The following INPP4B variants were observed in gnomAD, a reference collection of about 807,000 sequenced individuals.
INPP4B encodes the protein inositol polyphosphate 4-phosphatase type II.
A neutral mutation model predicts 122.5 loss-of-function variants in INPP4B; 55 were observed. That is an observed-to-expected ratio of 0.45 (90% confidence interval 0.36 to 0.56). INPP4B has a LOEUF of 0.56. Among genes scored for constraint, INPP4B ranks in the 20% least tolerant of loss-of-function variants. INPP4B has a pLI of 0.00. For missense variants in INPP4B, 1,000 were observed against 1,097.7 expected (o/e 0.91, Z 1.26); for synonymous variants, 403 against 388.7 (o/e 1.04, Z -0.43).
intron 2 of INPP4B, among the ~76,000 whole-genome samples, chr4:142,467,591 T>A (rs373831367): frequency 6.6e-6 from 1 of 152,266 alleles, no homozygotes; most frequent in East Asian, 1.9e-4. Context: ...TGGAAGGAAC[T>A]AATTTCTAGA....
intron 1 of INPP4B, among the ~76,000 whole-genome samples, chr4:142,798,387 G>T (rs1486814668): frequency 6.6e-6 from 1 of 151,786 alleles, no homozygotes; most frequent in Non-Finnish European, 1.5e-5. Flanking sequence ...CATTTACTTA[G>T]AGTTAAAGCA....
chr4:142,294,481 C>T (rs17015814), intron 9 of INPP4B, among the ~76,000 whole-genome samples: 3 of 151,782 alleles, frequency 2.0e-5, no homozygotes, highest in African/African-American at 4.8e-5. Flanking sequence ...TGGAGAATAC[C>T]AGGTGGATAA....
At chr4:142,081,829 G>C (rs1774039911) in intron 25 of INPP4B, among the ~76,000 whole-genome samples, 1 of 151,868 alleles carries the variant, frequency 6.6e-6, no homozygotes, top group Non-Finnish European at 1.5e-5. Flanking sequence ...CCTAAAATGA[G>C]TAGGGGAAAT....
At chr4:142,837,777 T>G (rs1265517098) in intron 1 of INPP4B, among the ~76,000 whole-genome samples, 1 of 152,106 alleles carries the variant, frequency 6.6e-6, no homozygotes, top group African/African-American at 2.4e-5. Flanking sequence ...ATAAGGCACT[T>G]TTAAAAGGTT....
intron 23 of INPP4B, among the ~76,000 whole-genome samples, chr4:142,103,277 C>T (rs931746658): frequency 6.6e-6 from 1 of 151,942 alleles, no homozygotes; most frequent in Non-Finnish European, 1.5e-5. Flanking sequence ...TTATGGGATC[C>T]TTAGTCTTCC....
intron 5 of INPP4B, among the ~76,000 whole-genome samples, chr4:142,411,186 A>G (rs933995652): frequency 7.9e-5 from 12 of 152,210 alleles, no homozygotes; most frequent in African/African-American, 1.4e-4. Context: ...CTCTCCCAGC[A>G]TATGTGCTAC....
At chr4:142,196,878 A>G (rs918390322) in intron 14 of INPP4B, among the ~76,000 whole-genome samples, 2 of 152,036 alleles carry the variant, frequency 1.3e-5, no homozygotes, top group Non-Finnish European at 2.9e-5. Context: ...TAATCCCAGC[A>G]CTTTGGGAGG....
At chr4:142,253,165 A>G (rs1000461032) in intron 11 of INPP4B, among the ~76,000 whole-genome samples, 1 of 152,208 alleles carries the variant, frequency 6.6e-6, no homozygotes, top group Non-Finnish European at 1.5e-5. Flanking sequence ...TGTAAAGGGC[A>G]TTTACCATGA....
At chr4:142,761,102 A>T (rs1403866748) in intron 1 of INPP4B, among the ~76,000 whole-genome samples, 1 of 152,096 alleles carries the variant, frequency 6.6e-6, no homozygotes, top group African/African-American at 2.4e-5. Flanking sequence ...AGCATCCATT[A>T]TCTTCCCAAG....
chr4:142,128,134 C>T (rs889187522), intron 18 of INPP4B, among the ~76,000 whole-genome samples: 7 of 151,970 alleles, frequency 4.6e-5, no homozygotes, highest in Admixed American at 3.9e-4. Context: ...CTATACCTTA[C>T]AGTTTACATG....
rs559720981 is a variant in INPP4B, at chr4:142,513,306, A to G, written c.-190-50580T>C. On this transcript the variant is annotated intron_variant, in intron 2 of 25. Coordinates refer to ENST00000262992, the MANE Select transcript of INPP4B (RefSeq NM_001101669.3). ...CACAGTTCTGGGGTGTGTTAGGGGGAAAGCTGGGAAGTACATAATCAAAGT... is the reference window on the plus strand; with the variant it reads ...CACAGTTCTGGGGTGTGTTAGGGGGGAAGCTGGGAAGTACATAATCAAAGT... Among the ~76,000 whole-genome samples, 575 of 152,262 alleles carry G rather than the reference A, an allele frequency of 3.8e-3. 1 individual carries two copies. Among genetic ancestry groups the G allele is most frequent in the Non-Finnish European group, 5.5e-3 (377 of 68,030 alleles).
chr4:142,820,423 C>T (rs547175392), intron 1 of INPP4B, among the ~76,000 whole-genome samples: 4 of 152,232 alleles, frequency 2.6e-5, no homozygotes, highest in African/African-American at 7.2e-5. Flanking sequence ...CATGCTGATT[C>T]CCCTTCCTCT....
chr4:142,585,768 A>G (rs1429942005), intron 2 of INPP4B, among the ~76,000 whole-genome samples: 1 of 151,852 alleles, frequency 6.6e-6, no homozygotes, highest in Non-Finnish European at 1.5e-5. Flanking sequence ...TCTTTCCATG[A>G]CTTGAGTTAG....
chr4:142,441,662 CA>C (rs1170656401), intron 3 of INPP4B, among the ~76,000 whole-genome samples: 4 of 151,786 alleles, frequency 2.6e-5, no homozygotes, highest in Admixed American at 1.3e-4. Context: ...TCTTAAGGTG[CA>C]AAAATATTTA....
At chr4:142,798,601 T>A (rs1344549336) in intron 1 of INPP4B, among the ~76,000 whole-genome samples, 1 of 151,748 alleles carries the variant, frequency 6.6e-6, no homozygotes, top group East Asian at 1.9e-4. Flanking sequence ...GAAATTAAAA[T>A]GTGTCATCAA....
At chr4:142,097,849 T>TA (rs1782654474) in intron 23 of INPP4B, among the ~76,000 whole-genome samples, 1 of 152,176 alleles carries the variant, frequency 6.6e-6, no homozygotes, top group African/African-American at 2.4e-5. Flanking sequence ...TTTGACTCTT[T>TA]AAAACAACCA....
At chr4:142,572,206 T>C (rs1367531460) in intron 2 of INPP4B, among the ~76,000 whole-genome samples, 3 of 152,172 alleles carry the variant, frequency 2.0e-5, no homozygotes, top group Admixed American at 6.5e-5. Flanking sequence ...TGTAAAACTA[T>C]GAAATTCTGC....
At position 142,034,621 on chromosome 4, in the gene INPP4B, C is replaced by A. The variant is rs1052824668; in HGVS notation, c.2643-5707G>T. Among the ~76,000 whole-genome samples the A allele has an allele frequency of 2.6e-5, 4 of 152,220 alleles. No homozygotes were observed. The South Asian group carries it at 8.3e-4, about 32-fold the overall frequency. ...CTCACCACTGCCACCCTTCCTCTAT[C>A]CCTGCTAGTCTACCTTCATACACAT... is the stretch of plus-strand genomic sequence containing the variant. On this transcript the variant is annotated intron_variant, in intron 25 of 25. Coordinates refer to ENST00000262992, the MANE Select transcript of INPP4B (RefSeq NM_001101669.3).
intron 1 of INPP4B, among the ~76,000 whole-genome samples, chr4:142,726,476 T>C (rs1765364353): frequency 6.6e-6 from 1 of 152,228 alleles, no homozygotes; most frequent in Non-Finnish European, 1.5e-5. Context: ...AGGAGGAAAG[T>C]ACTTTATCGA....
Sources: gnomAD v4.1 joint callset for allele counts (sites outside exome capture counted in the v4.1 genomes callset) on GRCh38, gnomAD v4.1.1 for gene constraint, MANE v1.5 for transcripts, NCBI Gene and HGNC (gene_info 2026-07-23, HGNC 2026-07-21) for gene names.